Variants in SAMD5 observed in about 807,000 individuals in gnomAD.
SAMD5 encodes sterile alpha motif domain-containing protein 5.
SAMD5 carries 13 observed loss-of-function variants against 11.3 expected under a neutral mutation model. The ratio of observed to expected loss-of-function variants is 1.15; its 90% confidence interval spans 0.75 to 1.83. SAMD5 has a LOEUF of 1.83. Ranked by LOEUF, SAMD5 falls within the 40% of genes most tolerant of loss-of-function variation. The pLI, the probability that SAMD5 is intolerant of heterozygous loss-of-function variation, is 0.00. For missense variants in SAMD5, 255 were observed against 239.1 expected, an observed-to-expected ratio of 1.07 and a Z score of -0.44; for synonymous variants, 129 against 111.3, an observed-to-expected ratio of 1.16 and a Z score of -1.00.
chr6:147,929,983 T>G, the SAMD5 span, among the ~76,000 whole-genome samples: 1 of 152,206 alleles, frequency 6.6e-6, no homozygotes, highest in African/African-American at 2.4e-5. Context: ...TATGGCACTC[T>G]CCTACACACT....
chr6:147,718,057 T>C (rs1562359032), intron 1 of SAMD5, among the ~76,000 whole-genome samples: 1 of 152,174 alleles, frequency 6.6e-6, no homozygotes. Context: ...AAGAGAAATT[T>C]CCCCTTTTTG....
the SAMD5 span, among the ~76,000 whole-genome samples, chr6:147,749,221 G>C: frequency 2.0e-5 from 3 of 150,306 alleles, no homozygotes; most frequent in Non-Finnish European, 4.4e-5. Flanking sequence ...CCAGGCTGGA[G>C]TACAGTGGTG....
chr6:147,835,685 C>CGG, the SAMD5 span, among the ~76,000 whole-genome samples: 1 of 152,136 alleles, frequency 6.6e-6, no homozygotes, highest in East Asian at 1.9e-4. Context: ...CGACAGCCCC[C>CGG]ACATCGCTTG....
intron 1 of SAMD5, among the ~76,000 whole-genome samples, chr6:147,616,148 AT>A (rs1185439461): frequency 7.4e-6 from 1 of 134,828 alleles, no homozygotes; most frequent in African/African-American, 3.2e-5. Flanking sequence ...TTTCATATAT[AT>A]TTATTCATAT....
chr6:147,816,386 A>G, the SAMD5 span, among the ~76,000 whole-genome samples: 2 of 146,646 alleles, frequency 1.4e-5, no homozygotes, highest in East Asian at 3.9e-4. Flanking sequence ...ATATAATTAG[A>G]AGGAAAAATA....
At chr6:147,914,192 C>G in the SAMD5 span, among the ~76,000 whole-genome samples, 1 of 145,406 alleles carries the variant, frequency 6.9e-6, no homozygotes, top group East Asian at 2.0e-4. Context: ...CATCAGCGAT[C>G]GTTAGTGTTA....
At chr6:147,793,954 T>G in the SAMD5 span, among the ~76,000 whole-genome samples, 1 of 152,168 alleles carries the variant, frequency 6.6e-6, no homozygotes, top group Non-Finnish European at 1.5e-5. Context: ...GACAGCTTAC[T>G]GGTCATGATT....
chr6:147,942,523 C>A, the SAMD5 span, among the ~76,000 whole-genome samples: 1 of 152,210 alleles, frequency 6.6e-6, no homozygotes, highest in Non-Finnish European at 1.5e-5. Flanking sequence ...GGGCATTCTT[C>A]GCTGTGTGGG....
chr6:147,930,445 T>C, the SAMD5 span, among the ~76,000 whole-genome samples: 1 of 152,096 alleles, frequency 6.6e-6, no homozygotes, highest in Non-Finnish European at 1.5e-5. Flanking sequence ...ACAGAACCAA[T>C]AGGAAACATA....
the SAMD5 span, among the ~76,000 whole-genome samples, chr6:147,792,968 A>G: frequency 6.6e-6 from 1 of 152,216 alleles, no homozygotes; most frequent in African/African-American, 2.4e-5. Context: ...TCTCCCATGC[A>G]AAAAACTTCA....
the SAMD5 span, among the ~76,000 whole-genome samples, chr6:147,877,891 ATAGC>A: frequency 1.6e-3 from 144 of 90,092 alleles, no homozygotes; most frequent in African/African-American, 5.1e-3. Flanking sequence ...CGATAGATAG[ATAGC>A]TAGATAGATA....
the SAMD5 span, among the ~76,000 whole-genome samples, chr6:147,949,241 G>A: frequency 2.0e-5 from 3 of 152,110 alleles, no homozygotes; most frequent in African/African-American, 7.2e-5. Context: ...AAAAGGCCAG[G>A]GGCTACTTAG....
At chr6:147,621,487 C>T (rs757266855) in intron 1 of SAMD5, among the ~76,000 whole-genome samples, 40 of 152,120 alleles carry the variant, frequency 2.6e-4, no homozygotes, top group Admixed American at 4.6e-4. Flanking sequence ...GGAATCCATC[C>T]AACAGCCATC....
At chr6:147,625,105 G>A (rs1053223734) in intron 1 of SAMD5, among the ~76,000 whole-genome samples, 2 of 152,156 alleles carry the variant, frequency 1.3e-5, no homozygotes, top group Non-Finnish European at 2.9e-5. Flanking sequence ...GTCGATTGGT[G>A]TGGTTTGTAT....
At chr6:147,847,665 C>T in the SAMD5 span, among the ~76,000 whole-genome samples, 1 of 152,058 alleles carries the variant, frequency 6.6e-6, no homozygotes, top group African/African-American at 2.4e-5. Flanking sequence ...CCAGCCTGGC[C>T]AAGGTGGTGA....
intron 1 of SAMD5, among the ~76,000 whole-genome samples, chr6:147,618,979 C>G (rs1224986655): frequency 6.6e-6 from 1 of 152,190 alleles, no homozygotes; most frequent in Non-Finnish European, 1.5e-5. Flanking sequence ...GCTATCCTTC[C>G]AGGATCTTGC....
chr6:147,835,480 T>C, the SAMD5 span, among the ~76,000 whole-genome samples: 1 of 152,116 alleles, frequency 6.6e-6, no homozygotes, highest in Non-Finnish European at 1.5e-5. Context: ...CAGCCTCCAG[T>C]CATGATGGTC....
intron 1 of SAMD5, among the ~76,000 whole-genome samples, chr6:147,727,994 G>A (rs745406103): frequency 7.2e-5 from 11 of 152,182 alleles, no homozygotes; most frequent in African/African-American, 2.4e-4. Context: ...CCTAGTAGAG[G>A]AGGGTGATTG....
the SAMD5 span, among the ~76,000 whole-genome samples, chr6:147,933,513 T>G: frequency 6.6e-6 from 1 of 152,272 alleles, no homozygotes; most frequent in South Asian, 2.1e-4. Context: ...GGAAGTGGAA[T>G]TCTACTCTTT....
Sources: gnomAD v4.1 joint callset for allele counts (sites outside exome capture counted in the v4.1 genomes callset) on GRCh38, gnomAD v4.1.1 for gene constraint, MANE v1.5 for transcripts, NCBI Gene and HGNC (gene_info 2026-07-23, HGNC 2026-07-21) for gene names.